TC2N: variants seen among roughly 807,000 people sequenced by gnomAD.
TC2N encodes the protein tandem C2 domains, nuclear.
A neutral mutation model predicts 61.9 loss-of-function variants in TC2N; 51 were observed. The observed-to-expected ratio is 0.82, with a 90% CI of 0.66 to 1.04. TC2N has a LOEUF of 1.04. Among genes scored for constraint, TC2N ranks in the 50% least tolerant of loss-of-function variants. The pLI is 0.00. For synonymous variants in TC2N, 204 were observed against 192.6 expected, an observed-to-expected ratio of 1.06 and a Z score of -0.49; for missense variants, 556 against 566.7, an observed-to-expected ratio of 0.98 and a Z score of 0.19.
In TC2N at chr14:91,832,733, A is replaced by G. The variant is rs544186405; in HGVS notation, c.-56-18908T>C. 3.9e-5 allele frequency among the ~76,000 whole-genome samples: 6 copies of G among 152,306 alleles called. No homozygotes were observed. In the South Asian group the frequency reaches 1.2e-3, roughly 32 times the overall value. On this transcript the variant is annotated intron_variant, in intron 1 of 11. Coordinates refer to ENST00000435962, the MANE Select transcript of TC2N (RefSeq NM_001128596.3). The stretch of plus-strand genomic sequence containing the variant: ...GGTTTTTAAAACCATGAACACAAAG[A>G]GACATGAGTTAGAAGGGTCACTTAA...
chr14:91,804,414 A>G (rs768434934), intron 3 of TC2N, among the ~76,000 whole-genome samples: 9 of 152,190 alleles, frequency 5.9e-5, no homozygotes, highest in Non-Finnish European at 1.3e-4. Flanking sequence ...TATTACCCAT[A>G]ATAGCCAAAA....
intron 1 of TC2N, among the ~76,000 whole-genome samples, chr14:91,840,948 C>T (rs1888152740): frequency 6.6e-6 from 1 of 152,178 alleles, no homozygotes; most frequent in Non-Finnish European, 1.5e-5. Flanking sequence ...CCTCAAAACA[C>T]CCATCTGCCT....
chr14:91,847,340 G>A (rs1888291096), intron 1 of TC2N, among the ~76,000 whole-genome samples: 1 of 152,060 alleles, frequency 6.6e-6, no homozygotes, highest in Admixed American at 6.6e-5. Context: ...TTCAACAAAA[G>A]CTGGAACCTG....
intron 1 of TC2N, among the ~76,000 whole-genome samples, chr14:91,830,453 A>T (rs1887705551): frequency 6.6e-6 from 1 of 152,222 alleles, no homozygotes; most frequent in Non-Finnish European, 1.5e-5. Context: ...GACATAAAAG[A>T]CCACATATTG....
chr14:91,851,609 T>A (rs947387056), intron 1 of TC2N, among the ~76,000 whole-genome samples: 3 of 152,222 alleles, frequency 2.0e-5, no homozygotes, highest in African/African-American at 7.2e-5. Flanking sequence ...CTTTGAAGTA[T>A]CACAATGGCT....
At chr14:91,861,719 T>G (rs1488630605) in intron 1 of TC2N, among the ~76,000 whole-genome samples, 2 of 151,948 alleles carry the variant, frequency 1.3e-5, no homozygotes, top group Non-Finnish European at 2.9e-5. Flanking sequence ...GGTCAGGAGT[T>G]CGAGACCAGA....
intron 1 of TC2N, among the ~76,000 whole-genome samples, chr14:91,820,650 T>C (rs919087860): frequency 4.6e-5 from 7 of 151,804 alleles, no homozygotes; most frequent in African/African-American, 1.7e-4. Context: ...GCATTCATCT[T>C]GGAAATCAAG....
intron 1 of TC2N, among the ~76,000 whole-genome samples, chr14:91,833,134 G>C (rs1887861187): frequency 6.6e-6 from 1 of 152,178 alleles, no homozygotes; most frequent in East Asian, 1.9e-4. Flanking sequence ...AAAAATGTTG[G>C]TTATGTATAT....
In TC2N at chr14:91,781,292, CGAAA is replaced by C. The variant is rs1255918408; in HGVS notation, c.*1804_*1807del. 6.6e-6 allele frequency: 1 copy of C among 151,918 alleles called. No homozygotes were observed. The highest frequency in any genetic ancestry group is 1.5e-5 in the Non-Finnish European group (1 of 67,916). The allele number at this position is 151,918 out of a possible 1,614,324, so 9.4% of individuals were successfully genotyped here. On this transcript the variant is annotated 3_prime_UTR_variant, in exon 12 of 12. Transcript: ENST00000435962. Reference sequence around the variant, plus strand: ...CATTTGCAGAGGATGTTTAGGGCAGCGAAACTATACTATATTATAATGATGCATA... The same window carrying C: ...CATTTGCAGAGGATGTTTAGGGCAGCCTATACTATATTATAATGATGCATA...
intron 1 of TC2N, among the ~76,000 whole-genome samples, chr14:91,814,108 G>A (rs765634479): frequency 2.6e-5 from 4 of 151,236 alleles, no homozygotes; most frequent in Non-Finnish European, 5.9e-5. Flanking sequence ...AAATAAGATG[G>A]AAGATTGAGT....
intron 1 of TC2N, among the ~76,000 whole-genome samples, chr14:91,817,044 G>GA (rs374007220): frequency 3.9e-4 from 59 of 151,964 alleles, no homozygotes; most frequent in African/African-American, 1.3e-3. Flanking sequence ...GCCCTAGGAG[G>GA]AAAAATCTGA....
At chr14:91,816,923 T>C (rs1341568765) in intron 1 of TC2N, among the ~76,000 whole-genome samples, 1 of 151,892 alleles carries the variant, frequency 6.6e-6, no homozygotes, top group Non-Finnish European at 1.5e-5. Flanking sequence ...AATTCTTATA[T>C]CATGTTATAA....
intron 1 of TC2N, among the ~76,000 whole-genome samples, chr14:91,865,716 A>G (rs937435933): frequency 5.9e-5 from 9 of 152,148 alleles, no homozygotes; most frequent in Admixed American, 5.9e-4. Flanking sequence ...TTTCAAACAC[A>G]TGTCTATAAA....
rs190904863 is a variant in TC2N, at chr14:91,857,298, A to G, written c.-57+9964T>C. ...GCTAGAAACTCCATTCCCAGTTTGT[A>G]GAAAGTGGCCAGGAAATGGGTCTGA... On this transcript the variant is annotated intron_variant, in intron 1 of 11. Coordinates refer to ENST00000435962, the MANE Select transcript of TC2N (RefSeq NM_001128596.3). Among the ~76,000 whole-genome samples, 91 of 152,350 alleles carry G rather than the reference A, an allele frequency of 6.0e-4. 1 individual carries two copies. Among genetic ancestry groups the G allele is most frequent in the Admixed American group, 3.3e-3 (51 of 15,306 alleles).
At position 91,782,078 on chromosome 14, in the gene TC2N, T is replaced by C. The variant is rs1021242153; in HGVS notation, c.*1022A>G. The C allele has an allele frequency of 2.0e-5, 3 of 152,066 alleles. No homozygotes were observed. The highest frequency in any genetic ancestry group is 6.6e-5 in the Admixed American group (1 of 15,264). 9.4% of individuals were successfully genotyped at this position (152,066 alleles called of 1,614,324 possible). A position where few individuals can be genotyped will look rare whatever the true frequency, so the allele number is the denominator to read the frequency against. On this transcript the variant is annotated 3_prime_UTR_variant, in exon 12 of 12. Coordinates refer to ENST00000435962, the MANE Select transcript of TC2N (RefSeq NM_001128596.3). ...ATCTGCCTCTCCAAAAAACTGTTCTTTTTGGCCACAGTTCTTATGGTCAAT... is the reference window on the plus strand; with the variant it reads ...ATCTGCCTCTCCAAAAAACTGTTCTCTTTGGCCACAGTTCTTATGGTCAAT...
chr14:91,850,850 G>A (rs1888361602), intron 1 of TC2N, among the ~76,000 whole-genome samples: 1 of 152,130 alleles, frequency 6.6e-6, no homozygotes, highest in Non-Finnish European at 1.5e-5. Context: ...AGAATTGCTT[G>A]AATTCAGGAG....
chr14:91,820,030 G>A (rs1887173293), intron 1 of TC2N, among the ~76,000 whole-genome samples: 2 of 152,072 alleles, frequency 1.3e-5, no homozygotes, highest in Non-Finnish European at 1.5e-5. Flanking sequence ...ATAGCAAGAT[G>A]ATAGATTTGA....
At chr14:91,784,060 C>T (rs188209634) in intron 11 of TC2N, among the ~76,000 whole-genome samples, 1 of 152,196 alleles carries the variant, frequency 6.6e-6, no homozygotes, top group East Asian at 1.9e-4. Context: ...TTGGCTACCC[C>T]ATCATAGTTC....
chr14:91,862,730 A>G (rs972086769), intron 1 of TC2N, among the ~76,000 whole-genome samples: 2 of 152,176 alleles, frequency 1.3e-5, no homozygotes, highest in South Asian at 4.1e-4. Flanking sequence ...GGTGTGCCTT[A>G]TTGTTCCAAA....
Sources: allele counts gnomAD v4.1 joint callset (sites outside exome capture counted in the v4.1 genomes callset), GRCh38; gene constraint gnomAD v4.1.1; transcripts MANE v1.5; gene names NCBI Gene and HGNC (gene_info 2026-07-23, HGNC 2026-07-21).